Variants in RBFOX3 observed in about 807,000 individuals in gnomAD.
RBFOX3 encodes the protein RNA binding fox-1 homolog 3, also known as RNA binding protein fox-1 homolog 3.
A neutral mutation model predicts 48.7 loss-of-function variants in RBFOX3; 17 were observed. That is an observed-to-expected ratio of 0.35 (90% CI 0.24 to 0.52). RBFOX3 has a LOEUF of 0.52. Among genes scored for constraint, RBFOX3 ranks in the 20% least tolerant of loss-of-function variants. RBFOX3 has a pLI of 0.94. For synonymous variants in RBFOX3, 212 were observed against 209.5 expected (o/e 1.01, Z -0.10); for missense variants, 382 against 497.5 (o/e 0.77, Z 2.21).
rs916936286 is a variant in RBFOX3 at position 79,111,163 on chromosome 17, G to C, written c.222+4331C>G. Among the ~76,000 whole-genome samples the C allele has an allele frequency of 6.6e-6, 1 of 152,242 alleles. No individual in the cohort carries two copies. The highest frequency in any genetic ancestry group is 2.4e-5 in the African/African-American group (1 of 41,476). On this transcript the variant is annotated intron_variant, in intron 5 of 14. Coordinates refer to ENST00000693108, the MANE Select transcript of RBFOX3 (RefSeq NM_001350451.2). The surrounding 1 kb of genome is among the most constrained non-coding windows in gnomAD (Gnocchi z 4.2). ...ACAGAGGTTCATCCTGGGGCTGCAG[G>C]TCACTGGGCAGAGAGGCCTCCAGGG...
Position 79,103,426 on chromosome 17 carries a change from C to T in RBFOX3, c.415-172G>A, listed in dbSNP as rs186524498. Among the ~76,000 whole-genome samples, 3 of 152,178 alleles carry T rather than the reference C, an allele frequency of 2.0e-5. No individual in the cohort carries two copies. The highest frequency in any genetic ancestry group is 2.9e-5 in the Non-Finnish European group (2 of 67,972). The stretch of plus-strand genomic sequence containing the variant: ...AGACGCAGGCAGCCCAGAGGTCTGT[C>T]CTAGGGCCACCGGCAGGATGCCAGG... On this transcript the variant is annotated intron_variant, in intron 7 of 14. Transcript: ENST00000693108. This position sits in a 1 kb window ranked among gnomAD's most constrained non-coding sequence, Gnocchi z 6.1.
chr17:79,445,367 C>A (rs149328527), intron 2 of RBFOX3, among the ~76,000 whole-genome samples: 1 of 152,250 alleles, frequency 6.6e-6, no homozygotes. Context: ...TAAATGACAG[C>A]GGCCTGGGTG....
At chr17:79,478,950 T>C (rs2078376471) in intron 2 of RBFOX3, among the ~76,000 whole-genome samples, 1 of 152,168 alleles carries the variant, frequency 6.6e-6, no homozygotes, top group African/African-American at 2.4e-5. Context: ...GCTGAGGCAA[T>C]GTCCTAGGAG....
At chr17:79,369,038 G>A (rs1963699469) in intron 2 of RBFOX3, among the ~76,000 whole-genome samples, 1 of 152,146 alleles carries the variant, frequency 6.6e-6, no homozygotes. Context: ...CACAAGGAGA[G>A]CGAGGAGGGG....
intron 2 of RBFOX3, among the ~76,000 whole-genome samples, chr17:79,344,025 T>C (rs983626558): frequency 1.3e-5 from 2 of 152,214 alleles, no homozygotes; most frequent in African/African-American, 4.8e-5. Context: ...GATCCATTAG[T>C]GTCTGTGACA....
At chr17:79,338,851 G>T (rs1384490707) in intron 2 of RBFOX3, among the ~76,000 whole-genome samples, 1 of 152,112 alleles carries the variant, frequency 6.6e-6, no homozygotes, top group Non-Finnish European at 1.5e-5. Context: ...AAACTTGCTT[G>T]GCCCTGTTTC....
intron 3 of RBFOX3, among the ~76,000 whole-genome samples, chr17:79,244,851 T>C (rs138301315): frequency 6.1e-4 from 90 of 148,416 alleles, no homozygotes; most frequent in African/African-American, 2.2e-3. Context: ...TCTTTCATTC[T>C]CCTTCCTTTC....
intron 3 of RBFOX3, among the ~76,000 whole-genome samples, chr17:79,263,631 G>A (rs1172532104): frequency 2.0e-5 from 3 of 152,132 alleles, no homozygotes; most frequent in Admixed American, 6.5e-5. Context: ...CACCTGGAAG[G>A]CAGACCAAAT....
At chr17:79,280,004 C>A (rs1395725799) in intron 3 of RBFOX3, among the ~76,000 whole-genome samples, 1 of 151,868 alleles carries the variant, frequency 6.6e-6, no homozygotes, top group Non-Finnish European at 1.5e-5. Flanking sequence ...AATGGGTAGT[C>A]CAGAGGAAAA....
At chr17:79,606,774 T>C (rs2093840737) in intron 1 of RBFOX3, among the ~76,000 whole-genome samples, 1 of 152,192 alleles carries the variant, frequency 6.6e-6, no homozygotes, top group South Asian at 2.1e-4. Context: ...GCAATGCTCC[T>C]TGCATGCCCG....
chr17:79,308,630 A>G (rs1275912440), intron 2 of RBFOX3, among the ~76,000 whole-genome samples: 2 of 152,060 alleles, frequency 1.3e-5, no homozygotes, highest in African/African-American at 4.8e-5. Flanking sequence ...ATGGTATTTG[A>G]AGGTGGGGCC....
intron 4 of RBFOX3, among the ~76,000 whole-genome samples, chr17:79,210,285 G>A (rs183040945): frequency 7.2e-5 from 11 of 152,264 alleles, no homozygotes; most frequent in African/African-American, 1.4e-4. Flanking sequence ...TTGGACCCCC[G>A]GCGTCTTCAC....
intron 3 of RBFOX3, among the ~76,000 whole-genome samples, chr17:79,258,162 T>C (rs1338987758): frequency 6.6e-6 from 1 of 152,200 alleles, no homozygotes; most frequent in Admixed American, 6.5e-5. Flanking sequence ...TATTTCTGCT[T>C]TGCTGCTAGA....
At chr17:79,301,133 C>T (rs529832567) in intron 3 of RBFOX3, among the ~76,000 whole-genome samples, 46 of 152,356 alleles carry the variant, frequency 3.0e-4, no homozygotes, top group Middle Eastern at 3.4e-3. Context: ...GGAGATGCTC[C>T]CCTGCTGGGA....
chr17:79,460,760 C>T (rs1476690305), intron 2 of RBFOX3, among the ~76,000 whole-genome samples: 1 of 152,214 alleles, frequency 6.6e-6, no homozygotes, highest in Non-Finnish European at 1.5e-5. Flanking sequence ...CCCTCTTGCT[C>T]ATGCTCTTTT....
chr17:79,345,637 T>C (rs566747533), intron 2 of RBFOX3, among the ~76,000 whole-genome samples: 62 of 152,308 alleles, frequency 4.1e-4, no homozygotes, highest in African/African-American at 1.4e-3. Flanking sequence ...TTCCTGCCTG[T>C]CCTCTGCTTT....
chr17:79,215,963 T>C (rs576796402), intron 4 of RBFOX3, among the ~76,000 whole-genome samples: 1 of 152,340 alleles, frequency 6.6e-6, no homozygotes, highest in Non-Finnish European at 1.5e-5. Context: ...AGAGTCAGGT[T>C]TAACCCGATA....
intron 2 of RBFOX3, among the ~76,000 whole-genome samples, chr17:79,387,087 G>A (rs754766472): frequency 9.8e-5 from 15 of 152,318 alleles, no homozygotes; most frequent in Non-Finnish European, 2.1e-4. Context: ...GCAGGACCCA[G>A]GGGTTTGAGA....
rs112168139 is a variant in RBFOX3 at position 79,144,255 on chromosome 17, C to T, written c.-33-28507G>A. Among the ~76,000 whole-genome samples the T allele has an allele frequency of 1.3e-4, 20 of 152,386 alleles. 1 individual carries two copies. The highest frequency in any genetic ancestry group is 4.1e-4 in the African/African-American group (17 of 41,592). ...AATGGGCCTGCTCTCGAGGCAGGAT[C>T]CGTGAGGCCTGAAGAATTGTCCCGC... On this transcript the variant is annotated intron_variant, in intron 4 of 14. Coordinates refer to ENST00000693108, the MANE Select transcript of RBFOX3 (RefSeq NM_001350451.2).
Sources: gnomAD v4.1 joint callset for allele counts (sites outside exome capture counted in the v4.1 genomes callset) on GRCh38, gnomAD v4.1.1 for gene constraint, Gnocchi (gnomAD v3.1) non-coding constraint, MANE v1.5 for transcripts, NCBI Gene and HGNC (gene_info 2026-07-23, HGNC 2026-07-21) for gene names.